The following PRKN variants were observed in gnomAD, a reference collection of about 807,000 sequenced individuals.
PRKN encodes the protein parkin RBR E3 ubiquitin protein ligase, also known as E3 ubiquitin-protein ligase parkin.
PRKN carries 56 observed loss-of-function variants against 59.5 expected under a neutral mutation model. That is an observed-to-expected ratio of 0.94 (90% CI 0.76 to 1.18). The LOEUF is 1.18. Among genes scored for constraint, PRKN ranks in the 50% most tolerant of loss-of-function variants. The probability of loss-of-function intolerance (pLI) is 0.00; values close to 1 mark genes in which losing one functional copy is unlikely to be tolerated. For synonymous variants in PRKN, 250 were observed against 222.1 expected (o/e 1.13, Z -1.12); for missense variants, 657 against 596.4 (o/e 1.10, Z -1.06).
At chr6:162,255,899 C>T (rs1033493020) in intron 3 of PRKN, among the ~76,000 whole-genome samples, 2 of 152,150 alleles carry the variant, frequency 1.3e-5, no homozygotes, top group Non-Finnish European at 2.9e-5. Context: ...AGTAAATTAT[C>T]GGCCATTTGA....
At chr6:161,851,706 G>A (rs901001657) in intron 6 of PRKN, among the ~76,000 whole-genome samples, 4 of 151,214 alleles carry the variant, frequency 2.6e-5, no homozygotes, top group African/African-American at 9.7e-5. Context: ...GTCTGGTCTC[G>A]AACTCCTGAC....
chr6:162,474,349 T>C (rs898495743), intron 1 of PRKN, among the ~76,000 whole-genome samples: 12 of 152,202 alleles, frequency 7.9e-5, no homozygotes, highest in African/African-American at 2.4e-4. Flanking sequence ...CCTGCACATG[T>C]TGAATGACTA....
chr6:161,791,040 CTGT>C (rs1395168565), intron 6 of PRKN, among the ~76,000 whole-genome samples: 2 of 152,170 alleles, frequency 1.3e-5, no homozygotes, highest in Non-Finnish European at 1.5e-5. Context: ...CCTGACATTC[CTGT>C]GTGCCCTTTG....
intron 7 of PRKN, among the ~76,000 whole-genome samples, chr6:161,750,118 TACACACACACACAC>T (rs955038865): frequency 7.3e-6 from 1 of 137,736 alleles, no homozygotes; most frequent in Non-Finnish European, 1.6e-5. Context: ...TATATATATA[TACACACACACACAC>T]ACACACACAC....
At chr6:162,268,132 C>G (rs1012070380) in intron 2 of PRKN, among the ~76,000 whole-genome samples, 9 of 152,116 alleles carry the variant, frequency 5.9e-5, no homozygotes, top group African/African-American at 1.9e-4. Context: ...GGTTTTGAGA[C>G]ATAATAAATT....
At chr6:161,978,732 A>G (rs1447965163) in intron 5 of PRKN, among the ~76,000 whole-genome samples, 1 of 152,286 alleles carries the variant, frequency 6.6e-6, no homozygotes, top group African/African-American at 2.4e-5. Flanking sequence ...CCAAGTGGCC[A>G]AGAAACATCT....
intron 7 of PRKN, among the ~76,000 whole-genome samples, chr6:161,596,975 T>C (rs1781937916): frequency 6.6e-6 from 1 of 152,312 alleles, no homozygotes. Context: ...ATTAGGAGTG[T>C]TCATAGGACC....
intron 7 of PRKN, among the ~76,000 whole-genome samples, chr6:161,768,946 G>C (rs1308397026): frequency 6.6e-6 from 1 of 152,114 alleles, no homozygotes; most frequent in Non-Finnish European, 1.5e-5. Flanking sequence ...ACCTCTTTCT[G>C]AAAAAGATTA....
At chr6:161,828,173 T>C (rs1388613627) in intron 6 of PRKN, among the ~76,000 whole-genome samples, 2 of 152,206 alleles carry the variant, frequency 1.3e-5, no homozygotes, top group Admixed American at 6.5e-5. Flanking sequence ...CAAAATACTG[T>C]AGGCAATAAC....
Position 161,460,090 on chromosome 6 carries a change from G to T in PRKN, c.1084-73213C>A, listed in dbSNP as rs6935279. On this transcript the variant is annotated intron_variant, in intron 9 of 11. Transcript: ENST00000366898. This position sits in a 1 kb window ranked among gnomAD's most constrained non-coding sequence, Gnocchi z 5.0. ...CACAGGGTGAAGCAGGCATGGTGCA[G>T]GAATAGTACGAACAAATATAAACAG... 2.6e-4 allele frequency among the ~76,000 whole-genome samples: 40 copies of T among 152,122 alleles called. No individual in the cohort carries two copies. Among genetic ancestry groups the T allele is most frequent in the African/African-American group, 8.7e-4 (36 of 41,452 alleles).
At chr6:161,674,593 T>C (rs1297369360) in intron 7 of PRKN, among the ~76,000 whole-genome samples, 1 of 152,168 alleles carries the variant, frequency 6.6e-6, no homozygotes, top group African/African-American at 2.4e-5. Flanking sequence ...GAGGTACACG[T>C]GCTTGTTTGT....
intron 4 of PRKN, among the ~76,000 whole-genome samples, chr6:162,192,387 G>A (rs533263102): frequency 1.3e-5 from 2 of 148,444 alleles, no homozygotes; most frequent in Non-Finnish European, 1.5e-5. Flanking sequence ...TAAATATTTA[G>A]GTAAAGTCTG....
At chr6:161,812,742 T>C (rs1448849594) in intron 6 of PRKN, among the ~76,000 whole-genome samples, 2 of 152,216 alleles carry the variant, frequency 1.3e-5, no homozygotes, top group Non-Finnish European at 2.9e-5. Flanking sequence ...TACCAAGTGT[T>C]GGCAAGGATA....
chr6:161,963,515 T>A lies in PRKN; in HGVS notation c.734+9787A>T, dbSNP rs140220353. 9.8e-5 allele frequency among the ~76,000 whole-genome samples: 15 copies of A among 152,370 alleles called. No individual in the cohort carries two copies. In the East Asian group the frequency reaches 2.7e-3, roughly 27 times the overall value. On this transcript the variant is annotated intron_variant, in intron 6 of 11. Coordinates refer to ENST00000366898, the MANE Select transcript of PRKN (RefSeq NM_004562.3). ...ACCAGTGGGGATAAAATATTTCTTCTATGCTTTCGTAAGTAACTGACCCCA... is the reference window on the plus strand; with the variant it reads ...ACCAGTGGGGATAAAATATTTCTTCAATGCTTTCGTAAGTAACTGACCCCA...
intron 6 of PRKN, among the ~76,000 whole-genome samples, chr6:161,871,305 A>G (rs1166873915): frequency 6.6e-6 from 1 of 152,020 alleles, no homozygotes; most frequent in African/African-American, 2.4e-5. Flanking sequence ...ATAGAGAAAA[A>G]CCATATGGTA....
intron 1 of PRKN, among the ~76,000 whole-genome samples, chr6:162,502,336 T>A (rs147724456): frequency 1.3e-3 from 198 of 152,228 alleles, no homozygotes; most frequent in African/African-American, 4.6e-3. Flanking sequence ...ACTTTTTACA[T>A]TTTTTGTAAA....
intron 2 of PRKN, 50 bp downstream of exon 2, chr6:162,443,260 G>A (rs757709989): frequency 3.3e-5 from 53 of 1,593,606 alleles, no homozygotes; most frequent in Non-Finnish European, 4.4e-5. Context: ...CAGGCGGCAT[G>A]AGCAATGGAG....
chr6:161,400,331 G>A lies in PRKN; in HGVS notation c.1084-13454C>T, dbSNP rs1583020696. Among the ~76,000 whole-genome samples the A allele has an allele frequency of 1.3e-5, 2 of 151,214 alleles. No homozygotes were observed. The highest frequency in any genetic ancestry group is 3.9e-4 in the East Asian group (2 of 5,172). ...TAATCTTTTTTTTTTTTTTGAGATG[G>A]AATTTCACTCTTGTCACCCAGGCTG... On this transcript the variant is annotated intron_variant, in intron 9 of 11. Transcript: ENST00000366898. The surrounding 1 kb of genome is among the most constrained non-coding windows in gnomAD (Gnocchi z 4.2).
chr6:161,841,839 C>T (rs1792999239), intron 6 of PRKN, among the ~76,000 whole-genome samples: 1 of 152,098 alleles, frequency 6.6e-6, no homozygotes, highest in Admixed American at 6.5e-5. Flanking sequence ...AATTACTTTG[C>T]CTTCTGAGTA....
Sources: allele counts gnomAD v4.1 joint callset (sites outside exome capture counted in the v4.1 genomes callset), GRCh38; gene constraint gnomAD v4.1.1; non-coding constraint Gnocchi (gnomAD v3.1); transcripts MANE v1.5; gene names NCBI Gene and HGNC (gene_info 2026-07-23, HGNC 2026-07-21).